The following OPHN1 variants were observed in gnomAD, a reference collection of about 807,000 sequenced individuals.
OPHN1 encodes oligophrenin 1.
A neutral mutation model predicts 60.7 loss-of-function variants in OPHN1; 11 were observed. The ratio of observed to expected loss-of-function variants is 0.18; its 90% CI spans 0.11 to 0.30. The LOEUF (loss-of-function observed/expected upper bound fraction) is 0.30, where lower values mean the gene tolerates loss of function less well. Among genes scored for constraint, OPHN1 ranks in the 10% least tolerant of loss-of-function variants. The pLI is 1.00. For synonymous variants in OPHN1, 226 were observed against 222.6 expected (o/e 1.02, Z -0.14); for missense variants, 449 against 611.0 (o/e 0.73, Z 2.80).
At chrX:68,112,610 G>A (rs2077110057) in intron 17 of OPHN1, among the ~76,000 whole-genome samples, 1 of 112,535 alleles carries the variant, frequency 8.9e-6, no homozygotes, top group African/African-American at 3.2e-5. Flanking sequence ...TTGAGGTGGA[G>A]AGGGGCACTC....
intron 2 of OPHN1, among the ~76,000 whole-genome samples, chrX:68,388,689 T>C (rs1482262956): frequency 9.0e-6 from 1 of 110,653 alleles, no homozygotes; most frequent in Non-Finnish European, 1.9e-5. Flanking sequence ...GTCTGAGAAT[T>C]TGCTTCAAAG....
chrX:68,048,215 G>A (rs1012630969), intron 24 of OPHN1, among the ~76,000 whole-genome samples: 1 of 111,802 alleles, frequency 8.9e-6, no homozygotes, highest in African/African-American at 3.3e-5. Context: ...GAAAGAGGAA[G>A]GTTACTTAAA....
At chrX:68,234,346 C>A (rs759901552) in intron 6 of OPHN1, 141 bp downstream of exon 6, 26 of 521,969 alleles carry the variant, frequency 5.0e-5, no homozygotes, top group Non-Finnish European at 8.1e-5. Context: ...AGTCTCAGGC[C>A]ACAGTTTTGA....
intron 15 of OPHN1, among the ~76,000 whole-genome samples, chrX:68,135,598 C>G (rs2077216150): frequency 8.9e-6 from 1 of 112,082 alleles, no homozygotes. Flanking sequence ...AAGAGCGTAA[C>G]TGGGACAGCA....
At chrX:68,296,773 G>T (rs1314597980) in intron 3 of OPHN1, among the ~76,000 whole-genome samples, 1 of 110,587 alleles carries the variant, frequency 9.0e-6, no homozygotes, top group Non-Finnish European at 1.9e-5. Flanking sequence ...AGACCAGTCT[G>T]GGTAAACAGA....
chrX:68,149,169 A>C (rs773557424), intron 15 of OPHN1, among the ~76,000 whole-genome samples: 80 of 111,284 alleles, frequency 7.2e-4, no homozygotes, highest in Non-Finnish European at 1.3e-3. Flanking sequence ...CATTCCAATA[A>C]ATGACTCCTT....
At chrX:68,209,797 G>C (rs1602236971) in intron 9 of OPHN1, among the ~76,000 whole-genome samples, 2 of 111,303 alleles carry the variant, frequency 1.8e-5, no homozygotes, top group Non-Finnish European at 3.8e-5. Flanking sequence ...AATGAACTTA[G>C]CACCATGTCT....
intron 23 of OPHN1, among the ~76,000 whole-genome samples, chrX:68,050,221 T>C (rs2076846593): frequency 9.0e-6 from 1 of 111,278 alleles, no homozygotes; most frequent in Admixed American, 9.5e-5. Flanking sequence ...GGATGCTGAG[T>C]GGGAGGAGCC....
intron 15 of OPHN1, among the ~76,000 whole-genome samples, chrX:68,136,291 CTTTTTTTTT>C (rs779712280): frequency 1.6e-5 from 1 of 64,151 alleles, no homozygotes. Flanking sequence ...AATATCTTTT[CTTTTTTTTT>C]TTTTTTTTTT....
At chrX:68,279,768 G>T (rs2147601456) in intron 4 of OPHN1, among the ~76,000 whole-genome samples, 1 of 111,664 alleles carries the variant, frequency 9.0e-6, no homozygotes, top group East Asian at 2.8e-4. Context: ...GAAATAGGGA[G>T]CAAACACTCA....
intron 5 of OPHN1, among the ~76,000 whole-genome samples, chrX:68,257,322 A>G (rs1318668962): frequency 8.9e-6 from 1 of 112,884 alleles, no homozygotes; most frequent in Non-Finnish European, 1.9e-5. Context: ...TTTCTGGCAT[A>G]TGGCTGAAGC....
At chrX:68,117,534 T>C (rs2077132363) in intron 16 of OPHN1, among the ~76,000 whole-genome samples, 1 of 112,307 alleles carries the variant, frequency 8.9e-6, no homozygotes, top group Admixed American at 9.5e-5. Flanking sequence ...GCAGTCAAGA[T>C]ATTTTTACTG....
intron 19 of OPHN1, among the ~76,000 whole-genome samples, chrX:68,085,725 T>C (rs1013730808): frequency 8.9e-6 from 1 of 111,932 alleles, no homozygotes; most frequent in Non-Finnish European, 1.9e-5. Context: ...CAGTCCAATA[T>C]TAATGAGAAA....
chrX:68,414,067 G>A (rs2078782306), intron 2 of OPHN1, among the ~76,000 whole-genome samples: 1 of 111,274 alleles, frequency 9.0e-6, no homozygotes, highest in African/African-American at 3.3e-5. Flanking sequence ...TGTAAAATAG[G>A]GTCTTATTAA....
intron 19 of OPHN1, 125 bp from the exon 20 acceptor site, chrX:68,073,424 C>G (rs748054375): frequency 1.2e-5 from 7 of 563,269 alleles, no homozygotes; most frequent in Non-Finnish European, 1.7e-5. Context: ...ACTAACATGA[C>G]TCAAAGAATC....
At position 68,198,793 on chromosome X, in the gene OPHN1, G is replaced by T. The variant is rs773948839; in HGVS notation, c.1026-1529C>A. 3.3e-4 allele frequency among the ~76,000 whole-genome samples: 37 copies of T among 111,526 alleles called. 1 individual carries two copies. Among genetic ancestry groups the T allele is most frequent in the Non-Finnish European group, 4.7e-4 (25 of 53,088 alleles). Reference sequence around the variant, plus strand: ...GAAAGGGTTCTGGAACACAGGAGCTGGGAGGTCCTTTCCATTACTGATATC... The same window carrying T: ...GAAAGGGTTCTGGAACACAGGAGCTTGGAGGTCCTTTCCATTACTGATATC... On this transcript the variant is annotated intron_variant, in intron 11 of 24. Coordinates refer to ENST00000355520, the MANE Select transcript of OPHN1 (RefSeq NM_002547.3).
chrX:68,246,338 A>G (rs1312822861), intron 5 of OPHN1, among the ~76,000 whole-genome samples: 29 of 112,159 alleles, frequency 2.6e-4, no homozygotes, highest in Non-Finnish European at 1.9e-5. Flanking sequence ...TTAATGCAAG[A>G]GGGATTTAAG....
rs57880548 is a variant in OPHN1, at chrX:68,396,398, C to CAAAAA, written c.154+36464_154+36468dup. Among the ~76,000 whole-genome samples the CAAAAA allele has an allele frequency of 2.8e-4, 11 of 39,283 alleles. 1 individual carries two copies. The highest frequency in any genetic ancestry group is 6.5e-4 in the African/African-American group (8 of 12,349). 34.1% of individuals were successfully genotyped at this position (39,283 alleles called of 115,157 possible). A position where few individuals can be genotyped will look rare whatever the true frequency, so the allele number is the denominator to read the frequency against. Reference sequence around the variant, plus strand: ...TGAGCTATGATTGTGCCACTGCTCTCAAAAAAAAAAAAAAAAAAAAAAAAA... The same window carrying CAAAAA: ...TGAGCTATGATTGTGCCACTGCTCTCAAAAAAAAAAAAAAAAAAAAAAAAAAAAAA... On this transcript the variant is annotated intron_variant, in intron 2 of 24. Coordinates refer to ENST00000355520, the MANE Select transcript of OPHN1 (RefSeq NM_002547.3).
At chrX:68,073,399 G>T in intron 19 of OPHN1, 100 bp from the exon 20 acceptor site, 1 of 701,749 alleles carries the variant, frequency 1.4e-6, no homozygotes, top group Non-Finnish European at 2.1e-6. Context: ...TATATCTAGA[G>T]TTTGTAACGT....
Sources: gnomAD v4.1 joint callset for allele counts (sites outside exome capture counted in the v4.1 genomes callset) on GRCh38, gnomAD v4.1.1 for gene constraint, MANE v1.5 for transcripts, NCBI Gene and HGNC (gene_info 2026-07-23, HGNC 2026-07-21) for gene names.